AGMO: variants seen among roughly 807,000 people sequenced by gnomAD.
AGMO encodes glyceryl-ether monooxygenase.
AGMO carries 75 observed loss-of-function variants against 60.2 expected under a neutral mutation model. The ratio of observed to expected loss-of-function variants is 1.25; its 90% CI spans 1.03 to 1.51. The LOEUF is 1.51. AGMO is among the 40% of genes most tolerant of loss of function. The probability of loss-of-function intolerance (pLI) is 0.00; values close to 1 mark genes in which losing one functional copy is unlikely to be tolerated. For missense variants in AGMO, 763 were observed against 525.5 expected (o/e 1.45, Z -4.42); for synonymous variants, 261 against 177.1 (o/e 1.47, Z -3.76).
chr7:15,516,441 C>T (rs1562547062), intron 3 of AGMO, among the ~76,000 whole-genome samples: 2 of 152,088 alleles, frequency 1.3e-5, no homozygotes, highest in Non-Finnish European at 2.9e-5. Context: ...AGTTTATGAC[C>T]TTTACTGAAC....
intron 3 of AGMO, among the ~76,000 whole-genome samples, chr7:15,479,071 G>C (rs981958544): frequency 6.6e-6 from 1 of 152,084 alleles, no homozygotes; most frequent in Admixed American, 6.6e-5. Context: ...TTCATGCATA[G>C]TTTTCATCAA....
At chr7:15,382,576 G>C (rs376611116) in intron 10 of AGMO, among the ~76,000 whole-genome samples, 2 of 152,088 alleles carry the variant, frequency 1.3e-5, no homozygotes, top group African/African-American at 2.4e-5. Context: ...TAGAAGTATT[G>C]AATTTGCTGC....
At chr7:15,526,560 G>A (rs532485087) in intron 3 of AGMO, among the ~76,000 whole-genome samples, 23 of 152,206 alleles carry the variant, frequency 1.5e-4, no homozygotes, top group African/African-American at 4.3e-4. Flanking sequence ...AACCAAAACC[G>A]TAATCCAGCT....
At chr7:15,525,758 G>A (rs1398000913) in intron 3 of AGMO, among the ~76,000 whole-genome samples, 1 of 152,118 alleles carries the variant, frequency 6.6e-6, no homozygotes, top group Non-Finnish European at 1.5e-5. Flanking sequence ...CAGCCCAGGA[G>A]CCCCAGGCTG....
At chr7:15,159,964 G>C in the AGMO span, among the ~76,000 whole-genome samples, 1 of 151,992 alleles carries the variant, frequency 6.6e-6, no homozygotes, top group Non-Finnish European at 1.5e-5. Flanking sequence ...TTGCCTACTG[G>C]GCACTGGAAG....
intron 5 of AGMO, among the ~76,000 whole-genome samples, chr7:15,407,752 C>G (rs535418127): frequency 1.3e-5 from 2 of 151,684 alleles, no homozygotes; most frequent in African/African-American, 4.8e-5. Context: ...CATATACACA[C>G]AAACACATAA....
At chr7:15,215,681 G>A (rs1251601617) in intron 12 of AGMO, among the ~76,000 whole-genome samples, 4 of 152,022 alleles carry the variant, frequency 2.6e-5, no homozygotes, top group South Asian at 2.1e-4. Context: ...ATAGCACTAT[G>A]GAGAATATCA....
At chr7:15,374,147 T>C (rs549125512) in intron 10 of AGMO, among the ~76,000 whole-genome samples, 33 of 151,686 alleles carry the variant, frequency 2.2e-4, no homozygotes, top group African/African-American at 6.1e-4. Flanking sequence ...CATACTGCAA[T>C]GTATAATTAT....
At chr7:15,190,560 G>C in the AGMO span, among the ~76,000 whole-genome samples, 1 of 152,038 alleles carries the variant, frequency 6.6e-6, no homozygotes, top group Non-Finnish European at 1.5e-5. Flanking sequence ...ATAAGAATTA[G>C]AATTTGTAAA....
chr7:15,147,026 C>A, the AGMO span, among the ~76,000 whole-genome samples: 1 of 151,908 alleles, frequency 6.6e-6, no homozygotes, highest in Admixed American at 6.6e-5. Flanking sequence ...AACAAAAAAA[C>A]CCACAATGGC....
At chr7:15,298,110 T>G (rs1222625169) in intron 12 of AGMO, among the ~76,000 whole-genome samples, 2 of 152,224 alleles carry the variant, frequency 1.3e-5, no homozygotes, top group African/African-American at 4.8e-5. Flanking sequence ...TGTTATGTTA[T>G]GTCCTCTTTG....
chr7:15,210,112 G>C (rs1781546261), intron 12 of AGMO, among the ~76,000 whole-genome samples: 1 of 152,054 alleles, frequency 6.6e-6, no homozygotes. Context: ...AAATGATACA[G>C]AGTATTGGAA....
the AGMO span, among the ~76,000 whole-genome samples, chr7:15,174,106 G>T: frequency 6.6e-6 from 1 of 151,530 alleles, no homozygotes; most frequent in East Asian, 1.9e-4. Context: ...TTGGGGACTT[G>T]GTAATTTCTT....
chr7:15,246,835 T>C (rs998811037), intron 12 of AGMO, among the ~76,000 whole-genome samples: 1 of 152,154 alleles, frequency 6.6e-6, no homozygotes, highest in Non-Finnish European at 1.5e-5. Flanking sequence ...CTAAAAAGCA[T>C]ATTCTATAGT....
chr7:15,421,716 A>G (rs925448770), intron 4 of AGMO, among the ~76,000 whole-genome samples: 2 of 152,076 alleles, frequency 1.3e-5, no homozygotes, highest in African/African-American at 4.8e-5. Context: ...GTTGGGGTCT[A>G]TGGGGTGTAT....
At position 15,387,597 on chromosome 7, in the gene AGMO, A is replaced by G. The variant is rs1453933611; in HGVS notation, c.823-57T>C. ...ATAAGATAAATAGGAAAGATTAAAT[A>G]CCAAAAGTTATGTATATTATTTTAT... On this transcript the variant is annotated intron_variant, in intron 8 of 12. Coordinates refer to ENST00000342526, the MANE Select transcript of AGMO (RefSeq NM_001004320.2). The G allele has an allele frequency of 4.1e-6, 6 of 1,452,724 alleles. No homozygotes were observed. In the African/African-American group the frequency reaches 7.3e-5, roughly 18 times the overall value. The allele number at this position is 1,452,724 out of a possible 1,614,324, so 90.0% of individuals were successfully genotyped here.
At chr7:15,177,158 C>A in the AGMO span, among the ~76,000 whole-genome samples, 3 of 151,868 alleles carry the variant, frequency 2.0e-5, no homozygotes, top group Non-Finnish European at 2.9e-5. Context: ...CTGCTCCATC[C>A]AAATTGTTAG....
At chr7:15,277,677 G>A (rs1783841763) in intron 12 of AGMO, among the ~76,000 whole-genome samples, 1 of 151,108 alleles carries the variant, frequency 6.6e-6, no homozygotes, top group African/African-American at 2.4e-5. Context: ...CAATCTATAG[G>A]CTAATAAATG....
At chr7:15,236,345 T>C (rs1782418767) in intron 12 of AGMO, among the ~76,000 whole-genome samples, 1 of 152,166 alleles carries the variant, frequency 6.6e-6, no homozygotes, top group South Asian at 2.1e-4. Flanking sequence ...TACATTATAA[T>C]TTATAAGCAT....
Sources: allele counts gnomAD v4.1 joint callset (sites outside exome capture counted in the v4.1 genomes callset), GRCh38; gene constraint gnomAD v4.1.1; transcripts MANE v1.5; gene names NCBI Gene and HGNC (gene_info 2026-07-23, HGNC 2026-07-21).